The following INTS10 variants were observed in gnomAD, a reference collection of about 807,000 sequenced individuals.
INTS10 encodes integrator complex subunit 10.
Under a neutral mutation model 94.4 loss-of-function variants are expected in INTS10, and 44 were observed. The ratio of observed to expected loss-of-function variants is 0.47; its 90% CI spans 0.37 to 0.60. INTS10 has a LOEUF of 0.60. Among genes scored for constraint, INTS10 ranks in the 20% least tolerant of loss-of-function variants. The pLI is 0.00. For missense variants in INTS10, 797 were observed against 868.7 expected (o/e 0.92, Z 1.04); for synonymous variants, 341 against 320.7 (o/e 1.06, Z -0.68).
At chr8:19,818,087 TGCA>T in intron 1 of INTS10, 185 bp from the exon 2 acceptor site, 2 of 628,348 alleles carry the variant, frequency 3.2e-6, no homozygotes, top group Non-Finnish European at 5.7e-6. Context: ...AGCCTGAGAT[TGCA>T]GGTGAACCCC....
In INTS10 at chr8:19,849,291, C is replaced by T. The variant is rs113863863; in HGVS notation, c.1977-2358C>T. On this transcript the variant is annotated intron_variant, in intron 16 of 16. Transcript: ENST00000397977. This position sits in a 1 kb window ranked among gnomAD's most constrained non-coding sequence, Gnocchi z 4.6. The stretch of plus-strand genomic sequence containing the variant: ...ATAGTGTGCTGTTTGTCAACATGTT[C>T]GCTGCCCATGGTTCTCAGCTCTTCG... 47 of 935,620 alleles carry T rather than the reference C, an allele frequency of 5.0e-5. No homozygotes were observed. The African/African-American group carries it at 6.3e-4, about 12-fold the overall frequency. 58.0% of individuals were successfully genotyped at this position (935,620 alleles called of 1,614,324 possible).
Position 19,817,640 on chromosome 8 carries a change from C to T in INTS10, c.103C>T (p.Leu35Phe), listed in dbSNP as rs201599025. 9 of 1,607,416 alleles carry T rather than the reference C, an allele frequency of 5.6e-6. No individual in the cohort carries two copies. The highest frequency in any genetic ancestry group is 7.6e-6 in the Non-Finnish European group (9 of 1,177,610). The change falls in exon 1 of 17, where the codon CTC becomes TTC. Residue 35 changes from leucine (L) to phenylalanine (F), a missense_variant. By Grantham distance (22) the Leu-to-Phe change is conservative (BLOSUM62 0). This residue lies in a region of INTS10 where 734 missense variants were observed against 787.8 expected (regional missense o/e 0.93). Transcript: ENST00000397977. ...GGCGTGGCTGATCACGGCCCGCAGC[C>T]TCTACCCGGCAGACTTTAACATCCA... ...AKAWLITARS[L>F]YPADFNIQYE...
In INTS10 at chr8:19,830,423, C is replaced by T. The variant is rs1406820190; in HGVS notation, c.1158C>T (p.Asp386=). ...REKTMSSDDE[D]CSAKGRNRHI... ...TTAAGCAGAGTTCAGACGATGAAGA[C>T]TGTTCGGCGAAAGGAAGAAATCGTC... The change falls in exon 10 of 17, where the codon GAC becomes GAT. Residue 386 remains aspartate, a synonymous_variant. Transcript: ENST00000397977. 2.5e-6 allele frequency: 4 copies of T among 1,613,864 alleles called. No individual in the cohort carries two copies. Among genetic ancestry groups the T allele is most frequent in the Admixed American group, 1.7e-5 (1 of 59,970 alleles).
At chr8:19,836,566 A>G (rs1007241745) in intron 12 of INTS10, among the ~76,000 whole-genome samples, 5 of 152,150 alleles carry the variant, frequency 3.3e-5, no homozygotes, top group Non-Finnish European at 7.3e-5. Context: ...TCCTCTCTTT[A>G]AGGCTTAGGT....
chr8:19,827,514 G>A (rs774337325), intron 9 of INTS10, among the ~76,000 whole-genome samples: 4 of 152,144 alleles, frequency 2.6e-5, no homozygotes, highest in South Asian at 4.2e-4. Context: ...TCTCTGCCTC[G>A]TCCTCTACCA....
chr8:19,830,345 G>C (rs2064492891), intron 9 of INTS10, 61 bp from the exon 10 acceptor site: 1 of 1,431,488 alleles, frequency 7.0e-7, no homozygotes, highest in East Asian at 2.4e-5. Flanking sequence ...GCAATAATAT[G>C]TTTCCATATA....
rs764096131 is a variant in INTS10 at position 19,844,152 on chromosome 8, G to C, written c.1796G>C (p.Arg599Pro). ...VIVLLQQEWP[R>P]GENLFLKAVN... ...GTGTTGCTTCAGCAAGAGTGGCCAC[G>C]GGGCGAGAATCTTTTCCTGAAAGCT... is the stretch of plus-strand genomic sequence containing the variant. Residue 599 changes from arginine to proline, a missense_variant, in exon 15 of 17, where the codon CGG becomes CCG. This residue lies in a region of INTS10 where 734 missense variants were observed against 787.8 expected (regional missense o/e 0.93). Coordinates refer to ENST00000397977, the MANE Select transcript of INTS10 (RefSeq NM_018142.4). 6.2e-7 allele frequency: 1 copy of C among 1,613,844 alleles called. No individual in the cohort carries two copies. The highest frequency in any genetic ancestry group is 1.1e-5 in the South Asian group (1 of 91,080).
chr8:19,822,905 G>A (rs4922105), intron 5 of INTS10, among the ~76,000 whole-genome samples: 4 of 151,564 alleles, frequency 2.6e-5, no homozygotes, highest in African/African-American at 9.7e-5. Flanking sequence ...AGCCGAGATC[G>A]CGCCACTGTA....
chr8:19,833,018 A>G, intron 11 of INTS10, 151 bp from the exon 12 acceptor site: 1 of 521,624 alleles, frequency 1.9e-6, no homozygotes, highest in Non-Finnish European at 3.2e-6. Context: ...TTCTATTGCC[A>G]ATTCTCCGTT....
chr8:19,847,138 G>C (rs901666129), intron 16 of INTS10, among the ~76,000 whole-genome samples: 2 of 152,136 alleles, frequency 1.3e-5, no homozygotes, highest in African/African-American at 4.8e-5. Context: ...AGCAAGAATA[G>C]GGTCTTGTGG....
chr8:19,834,515 A>T (rs2934), intron 12 of INTS10, among the ~76,000 whole-genome samples: 13 of 151,928 alleles, frequency 8.6e-5, no homozygotes, highest in Admixed American at 3.9e-4. Context: ...ACATATCTCA[A>T]GTAGAATTAG....
chr8:19,845,884 A>G (rs1024296344), intron 16 of INTS10, 87 bp downstream of exon 16: 1 of 859,568 alleles, frequency 1.2e-6, no homozygotes, highest in Non-Finnish European at 1.9e-6. Context: ...TATACCTATC[A>G]AAAATTTAAT....
intron 6 of INTS10, among the ~76,000 whole-genome samples, chr8:19,823,664 A>T (rs1408406481): frequency 1.3e-5 from 2 of 152,170 alleles, no homozygotes; most frequent in Admixed American, 6.5e-5. Flanking sequence ...ATGTTATTGC[A>T]TGGAACATTA....
chr8:19,850,628 A>T (rs961618780), intron 16 of INTS10, among the ~76,000 whole-genome samples: 3 of 152,182 alleles, frequency 2.0e-5, no homozygotes, highest in African/African-American at 7.2e-5. Flanking sequence ...AACATAAAAA[A>T]ATCTTCATTT....
intron 8 of INTS10, among the ~76,000 whole-genome samples, chr8:19,825,236 A>G (rs1332979809): frequency 3.3e-5 from 5 of 152,238 alleles, no homozygotes; most frequent in Admixed American, 2.0e-4. Context: ...TATTTTGAAA[A>G]TAACAGCAGG....
At chr8:19,822,643 C>CT (rs1380797458) in intron 5 of INTS10, 123 bp downstream of exon 5, 2,090 of 524,114 alleles carry the variant, frequency 4.0e-3, no homozygotes, top group Middle Eastern at 4.8e-3. Context: ...CATTTAAGTT[C>CT]TTTTTTTTTT....
chr8:19,842,877 A>G lies in INTS10; in HGVS notation c.1669A>G (p.Ser557Gly). Residue 557 changes from serine (S) to glycine (G), a missense_variant, in exon 14 of 17, where the codon AGC becomes GGC. This residue lies in a region of INTS10 where 734 missense variants were observed against 787.8 expected (regional missense o/e 0.93). Transcript: ENST00000397977. ...GSDLKLLPCT[S>G]KAIMPYCLHL... ...GGATCTGAAGCTCCTGCCTTGTACC[A>G]GCAAGGCTATCATGCCATACTGCCT... 5.0e-6 allele frequency: 8 copies of G among 1,613,270 alleles called. No individual in the cohort carries two copies. The highest frequency in any genetic ancestry group is 6.8e-6 in the Non-Finnish European group (8 of 1,179,256).
chr8:19,836,116 A>G (rs73599578), intron 12 of INTS10, among the ~76,000 whole-genome samples: 1 of 152,134 alleles, frequency 6.6e-6, no homozygotes, highest in Non-Finnish European at 1.5e-5. Flanking sequence ...TATGTAACAA[A>G]TCTACACGTT....
chr8:19,822,194 A>G (rs1589923570), intron 4 of INTS10: 2 of 286,738 alleles, frequency 7.0e-6, no homozygotes, highest in East Asian at 6.0e-5. Flanking sequence ...ATCGTTAATT[A>G]GAATTTGCTA....
Sources: allele counts gnomAD v4.1 joint callset (sites outside exome capture counted in the v4.1 genomes callset), GRCh38; gene constraint gnomAD v4.1.1; regional missense constraint gnomAD v4.1.1; non-coding constraint Gnocchi (gnomAD v3.1); transcripts MANE v1.5; gene names NCBI Gene and HGNC (gene_info 2026-07-23, HGNC 2026-07-21).